GALNT16: variants seen among roughly 807,000 people sequenced by gnomAD.
The protein encoded by GALNT16 is UDP-GalNAc:polypeptide N-acetylgalactosaminyltransferase-like protein 1.
GALNT16 carries 40 observed loss-of-function variants against 76.1 expected under a neutral mutation model. The ratio of observed to expected loss-of-function variants is 0.53; its 90% CI spans 0.41 to 0.68. The LOEUF (loss-of-function observed/expected upper bound fraction) is 0.68. Among genes scored for constraint, GALNT16 ranks in the 30% least tolerant of loss-of-function variants. The pLI is 0.00. For synonymous variants in GALNT16, 276 were observed against 285.2 expected (o/e 0.97, Z 0.32); for missense variants, 621 against 731.9 (o/e 0.85, Z 1.75).
At chr14:69,367,575 G>A in the GALNT16 span, among the ~76,000 whole-genome samples, 3 of 149,310 alleles carry the variant, frequency 2.0e-5, no homozygotes, top group East Asian at 2.0e-4. Flanking sequence ...ATGGTACTTC[G>A]TTGTAACAGC....
At chr14:69,371,462 C>T in the GALNT16 span, among the ~76,000 whole-genome samples, 3 of 151,138 alleles carry the variant, frequency 2.0e-5, no homozygotes, top group East Asian at 2.0e-4. Context: ...TTCACCATGT[C>T]AGCCAGGATG....
In GALNT16 at chr14:69,326,019, G is replaced by C; in HGVS notation, c.560G>C (p.Arg187Pro). 1 of 1,613,566 alleles carries C rather than the reference G, an allele frequency of 6.2e-7. No individual in the cohort carries two copies. Among genetic ancestry groups the C allele is most frequent in the South Asian group, 1.1e-5 (1 of 91,072 alleles). Residue 187 changes from arginine to proline, a missense_variant, in exon 5 of 15, where the codon CGG (arginine) becomes CCG (proline). Coordinates refer to ENST00000448469, the MANE Select transcript of GALNT16 (RefSeq NM_001168368.2). ...AAGGTCAAGTGCCTGCGCAATGATC[G>C]GCGGGAAGGTGAGTCCTTGCACCCT... ...IPKVKCLRND[R>P]REGLIRSRVR...
At chr14:69,323,722 CA>C (rs1349474586) in intron 2 of GALNT16, among the ~76,000 whole-genome samples, 54 of 152,340 alleles carry the variant, frequency 3.5e-4, no homozygotes, top group African/African-American at 1.2e-3. Context: ...AGATTTCCCC[CA>C]GGGGGGTCCC....
intron 1 of GALNT16, among the ~76,000 whole-genome samples, chr14:69,306,380 C>T (rs982167166): frequency 1.3e-4 from 20 of 151,946 alleles, no homozygotes; most frequent in Non-Finnish European, 1.5e-5. Flanking sequence ...CACATGTACA[C>T]TTTTTTTTAC....
intron 9 of GALNT16, among the ~76,000 whole-genome samples, chr14:69,336,222 G>C (rs1209805710): frequency 6.6e-6 from 1 of 152,174 alleles, no homozygotes; most frequent in East Asian, 1.9e-4. Context: ...CGATTCTCCT[G>C]CCTCAGCCTT....
rs775556986 is a variant in GALNT16, at chr14:69,326,008, G to A, written c.549G>A (p.Leu183=). The A allele has an allele frequency of 1.2e-6, 2 of 1,614,018 alleles. No individual in the cohort carries two copies. Among genetic ancestry groups the A allele is most frequent in the South Asian group, 2.2e-5 (2 of 91,080 alleles). The part of the protein sequence containing the change: ...LLTRIPKVKC[L]RNDRREGLIR... ...CCAGGATCCCCAAGGTCAAGTGCCT[G>A]CGCAATGATCGGCGGGAAGGTGAGT... The change falls in exon 5 of 15, where the codon CTG becomes CTA. Residue 183 remains leucine (L), a synonymous_variant. Transcript: ENST00000448469.
Position 69,276,689 on chromosome 14 carries a change from AAAAAG to A in GALNT16, c.177+16226_177+16230del, listed in dbSNP as rs1340219780. ...GAGTGAGACTCTATCTCAAAAAAAA[AAAAAG>A]AAAGAAAGAAGCTTGAAGCAAATCT... On this transcript the variant is annotated intron_variant, in intron 1 of 14. Coordinates refer to ENST00000448469, the MANE Select transcript of GALNT16 (RefSeq NM_001168368.2). Among the ~76,000 whole-genome samples the A allele has an allele frequency of 3.3e-5, 5 of 152,296 alleles. No individual in the cohort carries two copies. In the East Asian group the frequency reaches 5.8e-4, roughly 18 times the overall value.
intron 1 of GALNT16, among the ~76,000 whole-genome samples, chr14:69,316,965 T>C (rs945756288): frequency 9.2e-5 from 14 of 152,116 alleles, no homozygotes; most frequent in African/African-American, 2.9e-4. Flanking sequence ...GGGAGCCCCA[T>C]GAGGAAGAGC....
chr14:69,380,586 C>T, the GALNT16 span: 1 of 1,576,570 alleles, frequency 6.3e-7, no homozygotes, highest in South Asian at 1.1e-5. Flanking sequence ...CGTAGATCTT[C>T]TCTTTAATCC....
chr14:69,363,659 T>G, the GALNT16 span, among the ~76,000 whole-genome samples: 4 of 139,200 alleles, frequency 2.9e-5, no homozygotes, highest in Non-Finnish European at 6.4e-5. Flanking sequence ...GGTACAGAAG[T>G]GGTCAGTAAG....
At chr14:69,285,040 C>CTTT (rs11401674) in intron 1 of GALNT16, among the ~76,000 whole-genome samples, 10 of 127,480 alleles carry the variant, frequency 7.8e-5, no homozygotes, top group East Asian at 2.4e-4. Flanking sequence ...CTCGGGCACT[C>CTTT]TTTTTTTTTT....
chr14:69,281,109 C>G (rs1393086721), intron 1 of GALNT16, among the ~76,000 whole-genome samples: 1 of 151,668 alleles, frequency 6.6e-6, no homozygotes, highest in Non-Finnish European at 1.5e-5. Flanking sequence ...CCTTGTATAC[C>G]CAGTGGACAG....
In GALNT16 at chr14:69,333,255, TGG is replaced by T; in HGVS notation, c.863+88_863+89del. The T allele has an allele frequency of 1.1e-6, 1 of 937,450 alleles. No individual in the cohort carries two copies. The highest frequency in any genetic ancestry group is 1.6e-5 in the South Asian group (1 of 63,588). The allele number at this position is 937,450 out of a possible 1,614,324, so 58.1% of individuals were successfully genotyped here. ...CTCTTGGGAGGCTGTATCGGTCGCT[TGG>T]GCTCCTGAGGCGCACTAAGTGCTGA... On this transcript the variant is annotated intron_variant, in intron 8 of 14. Coordinates refer to ENST00000448469, the MANE Select transcript of GALNT16 (RefSeq NM_001168368.2). The surrounding 1 kb of genome is among the most constrained non-coding windows in gnomAD (Gnocchi z 4.2).
chr14:69,324,450 GCCTTGGAAGGT>G (rs1303683423), intron 2 of GALNT16, among the ~76,000 whole-genome samples: 4 of 152,072 alleles, frequency 2.6e-5, no homozygotes, highest in African/African-American at 9.7e-5. Flanking sequence ...GAGCCCCCAG[GCCTTGGAAGGT>G]CTCCCAACCT....
At chr14:69,305,021 T>C (rs2044911301) in intron 1 of GALNT16, among the ~76,000 whole-genome samples, 1 of 132,046 alleles carries the variant, frequency 7.6e-6, no homozygotes, top group Admixed American at 7.6e-5. Flanking sequence ...AGTTCTATTG[T>C]TAATTTTTTT....
the GALNT16 span, among the ~76,000 whole-genome samples, chr14:69,379,012 A>G: frequency 6.6e-6 from 1 of 151,954 alleles, no homozygotes; most frequent in Non-Finnish European, 1.5e-5. Flanking sequence ...CGGCTCACTC[A>G]CTGCAACCTC....
chr14:69,260,496 G>T, intron 1 of GALNT16, 29 bp downstream of exon 1: 1 of 1,340,494 alleles, frequency 7.5e-7, no homozygotes, highest in Non-Finnish European at 9.5e-7. Flanking sequence ...TCGGCCGGCC[G>T]GCTAGGGAGC....
At chr14:69,278,697 C>T (rs76252231) in intron 1 of GALNT16, among the ~76,000 whole-genome samples, 2,246 of 152,202 alleles carry the variant, frequency 0.015, 54 homozygotes, top group African/African-American at 0.052. Context: ...GTCAAATTGG[C>T]AGTTTCGTAT....
chr14:69,319,416 G>A (rs1373703241), intron 1 of GALNT16, among the ~76,000 whole-genome samples: 1 of 152,232 alleles, frequency 6.6e-6, no homozygotes, highest in Admixed American at 6.5e-5. Flanking sequence ...GACTAGGCCT[G>A]TGATAGCATC....
Sources: gnomAD v4.1 joint callset for allele counts (sites outside exome capture counted in the v4.1 genomes callset) on GRCh38, gnomAD v4.1.1 for gene constraint, Gnocchi (gnomAD v3.1) non-coding constraint, MANE v1.5 for transcripts, NCBI Gene and HGNC (gene_info 2026-07-23, HGNC 2026-07-21) for gene names.